Variants in CFAP58 observed in about 807,000 individuals in gnomAD.
CFAP58 encodes cilia and flagella associated protein 58.
Under a neutral mutation model 119.5 loss-of-function variants are expected in CFAP58, and 88 were observed. The observed-to-expected ratio is 0.74, with a 90% CI of 0.62 to 0.88. The LOEUF is 0.88. Ranked by LOEUF, CFAP58 falls within the 40% of genes least tolerant of loss-of-function variation. CFAP58 has a pLI of 0.00. For missense variants in CFAP58, 990 were observed against 1,021.2 expected, an observed-to-expected ratio of 0.97 and a Z score of 0.42; for synonymous variants, 365 against 366.3, an observed-to-expected ratio of 1.00 and a Z score of 0.04.
chr10:104,375,181 T>C (rs1339181719), intron 7 of CFAP58, among the ~76,000 whole-genome samples: 2 of 150,984 alleles, frequency 1.3e-5, no homozygotes, highest in Non-Finnish European at 2.9e-5. Flanking sequence ...TAGTGTGTAC[T>C]ATATACTTAG....
At chr10:104,386,413 A>G (rs2011926734) in intron 9 of CFAP58, among the ~76,000 whole-genome samples, 1 of 151,910 alleles carries the variant, frequency 6.6e-6, no homozygotes, top group Non-Finnish European at 1.5e-5. Context: ...TAAAAATAAG[A>G]AAAAGTAAAA....
At chr10:104,342,804 C>T in the CFAP58 span, among the ~76,000 whole-genome samples, 7 of 141,714 alleles carry the variant, frequency 4.9e-5, 1 homozygote, top group Admixed American at 5.1e-4. Context: ...GAGATCGTGC[C>T]ACTGCATTCC....
chr10:104,392,938 GCT>G (rs1331992111), intron 10 of CFAP58, among the ~76,000 whole-genome samples: 1 of 152,158 alleles, frequency 6.6e-6, no homozygotes, highest in Non-Finnish European at 1.5e-5. Flanking sequence ...ACTGTCCCCA[GCT>G]CTCTTTCTAA....
At chr10:104,351,692 A>C (rs143199321), upstream of CFAP58, 20 of 152,346 alleles carry the variant, frequency 1.3e-4, no homozygotes, top group African/African-American at 4.6e-4. Flanking sequence ...AGATAACTGA[A>C]TGTAAAAAAG....
At chr10:104,379,903 A>C in intron 8 of CFAP58, 126 bp from the exon 9 acceptor site, 3 of 842,614 alleles carry the variant, frequency 3.6e-6, no homozygotes, top group Non-Finnish European at 5.7e-6. Flanking sequence ...TGTAGAGAAT[A>C]TGATCATTTT....
intron 15 of CFAP58, among the ~76,000 whole-genome samples, chr10:104,418,094 T>G (rs1422525598): frequency 6.6e-6 from 1 of 152,256 alleles, no homozygotes; most frequent in Non-Finnish European, 1.5e-5. Flanking sequence ...AAAGTTTTAT[T>G]GGCACACAGC....
intron 17 of CFAP58, among the ~76,000 whole-genome samples, chr10:104,453,833 A>G (rs1339624979): frequency 6.7e-6 from 1 of 149,224 alleles, no homozygotes; most frequent in East Asian, 2.0e-4. Context: ...TACATTGTTG[A>G]TTTTAGGGCA....
At chr10:104,344,817 A>C in the CFAP58 span, among the ~76,000 whole-genome samples, 1 of 152,100 alleles carries the variant, frequency 6.6e-6, no homozygotes, top group Non-Finnish European at 1.5e-5. Context: ...ATCATCCAGT[A>C]GGTCTTGCAG....
the CFAP58 span, among the ~76,000 whole-genome samples, chr10:104,347,574 CA>C: frequency 6.6e-6 from 1 of 152,002 alleles, no homozygotes; most frequent in Non-Finnish European, 1.5e-5. Context: ...CAGTTTTTAC[CA>C]TGTCGTTAAG....
Position 104,454,405 on chromosome 10 carries a change from C to G in CFAP58, c.2511-17C>G. 1 of 1,585,440 alleles carries G rather than the reference C, an allele frequency of 6.3e-7. No individual in the cohort carries two copies. The highest frequency in any genetic ancestry group is 8.7e-7 in the Non-Finnish European group (1 of 1,154,266). On this transcript the variant is annotated splice_polypyrimidine_tract_variant and intron_variant, in intron 17 of 17. Coordinates refer to ENST00000369704, the MANE Select transcript of CFAP58 (RefSeq NM_001008723.2). Reference sequence around the variant, plus strand: ...AAAGGATGTTAAGGAAGCTAACTTTCACCTCCTCTCTTACAGAAACAAGGA... The same window carrying G: ...AAAGGATGTTAAGGAAGCTAACTTTGACCTCCTCTCTTACAGAAACAAGGA...
At chr10:104,339,055 T>A in the CFAP58 span, among the ~76,000 whole-genome samples, 1 of 152,142 alleles carries the variant, frequency 6.6e-6, no homozygotes, top group African/African-American at 2.4e-5. Context: ...ATTACAGGCA[T>A]GTGCCACCAC....
At chr10:104,342,250 G>T in the CFAP58 span, among the ~76,000 whole-genome samples, 1 of 152,026 alleles carries the variant, frequency 6.6e-6, no homozygotes, top group Admixed American at 6.6e-5. Flanking sequence ...TCTCTACATT[G>T]TTGCCAACAT....
intron 15 of CFAP58, among the ~76,000 whole-genome samples, chr10:104,411,056 C>T (rs1047354398): frequency 2.0e-5 from 3 of 152,180 alleles, no homozygotes; most frequent in African/African-American, 7.2e-5. Flanking sequence ...TCTCCTGCCT[C>T]AGCCTCCTGA....
At chr10:104,422,366 A>T (rs1266202920) in intron 15 of CFAP58, among the ~76,000 whole-genome samples, 2 of 152,076 alleles carry the variant, frequency 1.3e-5, no homozygotes, top group East Asian at 1.9e-4. Flanking sequence ...CCCTTTAGTT[A>T]CTGTGCCCAT....
chr10:104,420,751 A>ATTT lies in CFAP58; in HGVS notation c.2256+13975_2256+13977dup, dbSNP rs66462966. ...CTTTTTAAACATTTTTTTATATTTG[A>ATTT]TTTTTTTTTTTTTTTTTTTGAGACA... is the stretch of plus-strand genomic sequence containing the variant. On this transcript the variant is annotated intron_variant, in intron 15 of 17. Coordinates refer to ENST00000369704, the MANE Select transcript of CFAP58 (RefSeq NM_001008723.2). Among the ~76,000 whole-genome samples the ATTT allele has an allele frequency of 6.8e-3, 830 of 121,614 alleles. 18 individuals carry two copies. The highest frequency in any genetic ancestry group is 0.025 in the African/African-American group (793 of 31,702). 79.8% of individuals were successfully genotyped at this position (121,614 alleles called of 152,430 possible). A position where few individuals can be genotyped will look rare whatever the true frequency, so the allele number is the denominator to read the frequency against.
At chr10:104,350,008 C>T (rs1297345961), upstream of CFAP58, among the ~76,000 whole-genome samples, 1 of 152,152 alleles carries the variant, frequency 6.6e-6, no homozygotes, top group African/African-American at 2.4e-5. Flanking sequence ...TCGAAAGGGC[C>T]AGATTACACA....
chr10:104,417,101 C>T (rs1448529356), intron 15 of CFAP58, among the ~76,000 whole-genome samples: 1 of 152,198 alleles, frequency 6.6e-6, no homozygotes, highest in Non-Finnish European at 1.5e-5. Flanking sequence ...ATTCAGATTA[C>T]TGGTTCAGTC....
intron 10 of CFAP58, 133 bp downstream of exon 10, chr10:104,392,527 T>C (rs1192154728): frequency 1.8e-6 from 1 of 570,120 alleles, no homozygotes. Flanking sequence ...AAAAGATCAA[T>C]TTACGCAAAA....
At chr10:104,436,494 G>A (rs1001094495) in intron 15 of CFAP58, among the ~76,000 whole-genome samples, 6 of 152,114 alleles carry the variant, frequency 3.9e-5, no homozygotes, top group African/African-American at 1.2e-4. Flanking sequence ...AGGCCTCAGC[G>A]AGCTTTTTCT....
Sources: allele counts gnomAD v4.1 joint callset (sites outside exome capture counted in the v4.1 genomes callset), GRCh38; gene constraint gnomAD v4.1.1; transcripts MANE v1.5; gene names NCBI Gene and HGNC (gene_info 2026-07-23, HGNC 2026-07-21).